Variants in PALM2AKAP2 observed in about 807,000 individuals in gnomAD.
PALM2AKAP2 encodes PALM2 and AKAP2 fusion, also known as PALM2-AKAP2 fusion protein.
Under a neutral mutation model 71.5 loss-of-function variants are expected in PALM2AKAP2, and 37 were observed. The observed-to-expected ratio is 0.52, with a 90% CI of 0.40 to 0.68. PALM2AKAP2 has a LOEUF of 0.68. Ranked by LOEUF, PALM2AKAP2 falls within the 30% of genes least tolerant of loss-of-function variation. PALM2AKAP2 has a pLI of 0.00. For synonymous variants in PALM2AKAP2, 468 were observed against 478.8 expected (o/e 0.98, Z 0.29); for missense variants, 1,224 against 1,191.8 (o/e 1.03, Z -0.40).
chr9:109,856,911 A>T (rs1485421282), intron 1 of PALM2AKAP2, among the ~76,000 whole-genome samples: 2 of 152,032 alleles, frequency 1.3e-5, no homozygotes, highest in Non-Finnish European at 2.9e-5. Flanking sequence ...TTCTCTTTCT[A>T]TTTTTGTGCA....
At chr9:109,821,123 C>G (rs1425912217) in intron 1 of PALM2AKAP2, among the ~76,000 whole-genome samples, 1 of 152,186 alleles carries the variant, frequency 6.6e-6, no homozygotes, top group African/African-American at 2.4e-5. Flanking sequence ...CAACTTCTAT[C>G]ACTGTCAGTG....
intron 3 of PALM2AKAP2, among the ~76,000 whole-genome samples, chr9:109,905,395 C>T (rs1221062666): frequency 6.6e-6 from 1 of 152,208 alleles, no homozygotes; most frequent in East Asian, 1.9e-4. Context: ...ATCTGTACCA[C>T]CAGAAAAGGG....
chr9:109,898,983 A>G (rs970345597), intron 3 of PALM2AKAP2, among the ~76,000 whole-genome samples: 1 of 152,182 alleles, frequency 6.6e-6, no homozygotes, highest in Non-Finnish European at 1.5e-5. Flanking sequence ...TCTGGGAAAT[A>G]TTGGTGCTTT....
intron 1 of PALM2AKAP2, among the ~76,000 whole-genome samples, chr9:109,832,105 T>C (rs1331438561): frequency 2.0e-5 from 3 of 152,174 alleles, no homozygotes; most frequent in African/African-American, 7.2e-5. Context: ...TTGGCAAGGC[T>C]GGACAAGCAT....
intron 1 of PALM2AKAP2, among the ~76,000 whole-genome samples, chr9:109,687,078 T>C (rs1279482227): frequency 6.6e-6 from 1 of 152,164 alleles, no homozygotes; most frequent in Non-Finnish European, 1.5e-5. Context: ...AGTATATCAT[T>C]GTTGGTCATT....
At chr9:109,667,786 C>G (rs763666603) in intron 1 of PALM2AKAP2, among the ~76,000 whole-genome samples, 13 of 152,124 alleles carry the variant, frequency 8.5e-5, no homozygotes, top group Non-Finnish European at 1.9e-4. Context: ...GAGTGAGACC[C>G]TGTCTCACAC....
At chr9:109,780,256 G>A, upstream of PALM2AKAP2, 2 of 1,151,658 alleles carry the variant, frequency 1.7e-6, no homozygotes, top group Non-Finnish European at 2.1e-6. Flanking sequence ...TGCAGTGAGC[G>A]GCGGCGCTGG....
chr9:109,942,873 A>C (rs770639943), intron 6 of PALM2AKAP2: 1 of 1,614,182 alleles, frequency 6.2e-7, no homozygotes, highest in Non-Finnish European at 8.5e-7. Flanking sequence ...TGCACAAATT[A>C]AGCACAAAGG....
rs191472770 is a variant in PALM2AKAP2, at chr9:109,696,881, A to G, written c.5+56015A>G. Among the ~76,000 whole-genome samples, 178 of 152,280 alleles carry G rather than the reference A, an allele frequency of 1.2e-3. 1 individual carries two copies. The highest frequency in any genetic ancestry group is 4.0e-3 in the African/African-American group (166 of 41,554). Reference sequence around the variant, plus strand: ...TATATTGGCAATATACAAAGCCAATATCTATTGTATATTGTGGTACAAAAA... The same window carrying G: ...TATATTGGCAATATACAAAGCCAATGTCTATTGTATATTGTGGTACAAAAA... On this transcript the variant is annotated intron_variant, in intron 1 of 6. Transcript: ENST00000374531.
chr9:109,943,685 C>T, intron 6 of PALM2AKAP2: 2 of 444,220 alleles, frequency 4.5e-6, no homozygotes, highest in Non-Finnish European at 4.0e-6. Context: ...CACTTCCTTC[C>T]TGCTCGATTG....
intron 6 of PALM2AKAP2, among the ~76,000 whole-genome samples, chr9:109,939,858 C>G (rs1390252201): frequency 2.0e-5 from 3 of 152,162 alleles, no homozygotes; most frequent in Non-Finnish European, 2.9e-5. Flanking sequence ...GATCTTTATG[C>G]TGAACAAGTG....
chr9:109,911,293 A>G (rs1830563043), intron 3 of PALM2AKAP2, among the ~76,000 whole-genome samples: 1 of 152,238 alleles, frequency 6.6e-6, no homozygotes, highest in African/African-American at 2.4e-5. Flanking sequence ...ACAGACTCAA[A>G]TAAGAATCAC....
chr9:109,687,752 T>C (rs1362358553), intron 1 of PALM2AKAP2, among the ~76,000 whole-genome samples: 1 of 152,252 alleles, frequency 6.6e-6, no homozygotes, highest in Non-Finnish European at 1.5e-5. Flanking sequence ...CTTGGCTAAC[T>C]GTTTGGCACA....
intron 1 of PALM2AKAP2, among the ~76,000 whole-genome samples, chr9:109,813,983 T>C (rs1438297429): frequency 6.6e-6 from 1 of 152,172 alleles, no homozygotes. Context: ...TTGGCACTTA[T>C]CACTCCCACA....
chr9:110,121,299 A>G (rs2119006770), intron 1 of PALM2AKAP2, among the ~76,000 whole-genome samples: 1 of 152,270 alleles, frequency 6.6e-6, no homozygotes, highest in South Asian at 2.1e-4. Flanking sequence ...CTCCATGCTG[A>G]GATGTAGGGT....
In PALM2AKAP2 at chr9:110,064,326, G is replaced by A. The variant is rs576386619; in HGVS notation, c.156+15471G>A. On this transcript the variant is annotated intron_variant, in intron 1 of 3. Transcript: ENST00000374525. ...AAAATTCAGCTTGAATCCCCTAGTA[G>A]TGTGTATGCTCATCTTCCCAAGACG... Among the ~76,000 whole-genome samples, 45 of 152,306 alleles carry A rather than the reference G, an allele frequency of 3.0e-4. No individual in the cohort carries two copies. The South Asian group carries it at 7.5e-3, about 25-fold the overall frequency.
intron 2 of PALM2AKAP2, among the ~76,000 whole-genome samples, chr9:110,151,959 G>A (rs560393705): frequency 3.3e-5 from 5 of 152,286 alleles, no homozygotes; most frequent in Admixed American, 2.6e-4. Flanking sequence ...CGTTCTGGCC[G>A]GGCACAGTGG....
At chr9:110,076,492 C>CAAATATATATATATATATAT (rs1554748065) in intron 1 of PALM2AKAP2, among the ~76,000 whole-genome samples, 6 of 106,760 alleles carry the variant, frequency 5.6e-5, no homozygotes, top group Non-Finnish European at 1.1e-4. Context: ...ATATATTCTA[C>CAAATATATATATATATATAT]ATATATATAT....
At chr9:109,951,997 G>A (rs1003474503) in intron 6 of PALM2AKAP2, among the ~76,000 whole-genome samples, 4 of 152,206 alleles carry the variant, frequency 2.6e-5, no homozygotes, top group Admixed American at 6.5e-5. Flanking sequence ...CTGTTTAAGA[G>A]CATCTGAAGA....
Sources: gnomAD v4.1 joint callset for allele counts (sites outside exome capture counted in the v4.1 genomes callset) on GRCh38, gnomAD v4.1.1 for gene constraint, MANE v1.5 for transcripts, NCBI Gene and HGNC (gene_info 2026-07-23, HGNC 2026-07-21) for gene names.